Variants in WDR48 observed in about 807,000 individuals in gnomAD.
WDR48 encodes the protein WD repeat-containing protein 48.
In WDR48, 22 loss-of-function variants were observed where a neutral mutation model predicts 94.0. The ratio of observed to expected loss-of-function variants is 0.23; its 90% confidence interval spans 0.17 to 0.33. The LOEUF is 0.33. Ranked by LOEUF, WDR48 falls within the 10% of genes least tolerant of loss-of-function variation. WDR48 has a pLI of 1.00. For missense variants in WDR48, 541 were observed against 813.8 expected, an observed-to-expected ratio of 0.66 and a Z score of 4.08; for synonymous variants, 278 against 280.5, an observed-to-expected ratio of 0.99 and a Z score of 0.09.
intron 16 of WDR48, chr3:39,089,700 T>C: frequency 6.4e-6 from 1 of 155,188 alleles, no homozygotes; most frequent in Non-Finnish European, 1.4e-5. Flanking sequence ...TTTGTGTACA[T>C]AGATGTGTCT....
At chr3:39,056,757 T>C (rs77102640) in intron 1 of WDR48, among the ~76,000 whole-genome samples, 4,387 of 152,288 alleles carry the variant, frequency 0.029, 212 homozygotes, top group African/African-American at 0.1. Context: ...CCCATGTGCC[T>C]TTTCTTATAT....
chr3:39,052,523 A>T (rs2032512105), intron 1 of WDR48: 1 of 172,926 alleles, frequency 5.8e-6, no homozygotes, highest in Non-Finnish European at 1.2e-5. Context: ...GCGGAGCGCC[A>T]ACGGCCCTGC....
At chr3:39,073,643 G>A (rs1381480050) in intron 7 of WDR48, among the ~76,000 whole-genome samples, 1 of 152,084 alleles carries the variant, frequency 6.6e-6, no homozygotes, top group African/African-American at 2.4e-5. Flanking sequence ...GTGGATGCAG[G>A]GTGTCTAATT....
At chr3:39,056,090 C>A (rs920678886) in intron 1 of WDR48, among the ~76,000 whole-genome samples, 1 of 152,160 alleles carries the variant, frequency 6.6e-6, no homozygotes, top group African/African-American at 2.4e-5. Context: ...TTTAAGGTGA[C>A]ATGTCTTGAA....
chr3:39,082,504 T>A (rs2034591759), intron 11 of WDR48, among the ~76,000 whole-genome samples: 1 of 151,990 alleles, frequency 6.6e-6, no homozygotes. Context: ...ATGGTCTCGA[T>A]CTCCTGGCCT....
chr3:39,068,137 G>A (rs1329367494), intron 5 of WDR48, among the ~76,000 whole-genome samples: 1 of 152,134 alleles, frequency 6.6e-6, no homozygotes. Flanking sequence ...TGGCTAACCT[G>A]TATTGAGTAC....
At chr3:39,093,745 G>C in intron 17 of WDR48, 129 bp from the exon 18 acceptor site, 5 of 1,069,476 alleles carry the variant, frequency 4.7e-6, no homozygotes, top group Non-Finnish European at 6.3e-6. Flanking sequence ...AATGGATTAA[G>C]GTAATGACTA....
At chr3:39,058,904 G>C (rs2033077862) in intron 1 of WDR48, among the ~76,000 whole-genome samples, 1 of 151,986 alleles carries the variant, frequency 6.6e-6, no homozygotes, top group Non-Finnish European at 1.5e-5. Context: ...GCGAAACCCT[G>C]TCTCTACTAA....
At position 39,084,688 on chromosome 3, in the gene WDR48, G is replaced by C. The variant is rs1372395774; in HGVS notation, c.1325G>C (p.Trp442Ser). 3 of 1,613,774 alleles carry C rather than the reference G, an allele frequency of 1.9e-6. No homozygotes were observed. Among genetic ancestry groups the C allele is most frequent in the Non-Finnish European group, 2.5e-6 (3 of 1,179,926 alleles). ...GATGAAAGTGATTGTTTTGCTGCCT[G>C]GGTTTCTGCAAAAGATGCTGGTTTC... ...TLDESDCFAA[W>S]VSAKDAGFSS... Residue 442 changes from tryptophan (W) to serine (S), a missense_variant, in exon 13 of 19, where the codon TGG (tryptophan) becomes TCG (serine). Coordinates refer to ENST00000302313, the MANE Select transcript of WDR48 (RefSeq NM_020839.4).
Position 39,084,266 on chromosome 3 carries a change from A to T in WDR48, c.1281+4A>T. 1 of 1,578,120 alleles carries T rather than the reference A, an allele frequency of 6.3e-7. No individual in the cohort carries two copies. The highest frequency in any genetic ancestry group is 8.7e-7 in the Non-Finnish European group (1 of 1,150,136). Reference sequence around the variant, plus strand: ...CTCAGTAGACTTAAAAACAGGGGTAAGTTAGCAATTGATACTTGTATGATT... The same window carrying T: ...CTCAGTAGACTTAAAAACAGGGGTATGTTAGCAATTGATACTTGTATGATT... On this transcript the variant is annotated splice_donor_region_variant and intron_variant, in intron 12 of 18. Transcript: ENST00000302313.
intron 1 of WDR48, 60 bp downstream of exon 1, chr3:39,052,133 G>T: frequency 6.2e-7 from 1 of 1,601,304 alleles, no homozygotes; most frequent in Non-Finnish European, 8.5e-7. Flanking sequence ...GCCCACTCCA[G>T]CTAGAAGGTG....
chr3:39,058,900 C>T (rs2033076719), intron 1 of WDR48, among the ~76,000 whole-genome samples: 1 of 152,022 alleles, frequency 6.6e-6, no homozygotes, highest in African/African-American at 2.4e-5. Context: ...GATGGCGAAA[C>T]CCTGTCTCTA....
intron 1 of WDR48, among the ~76,000 whole-genome samples, chr3:39,058,123 G>T (rs868713565): frequency 2.0e-5 from 3 of 152,056 alleles, no homozygotes; most frequent in African/African-American, 7.2e-5. Context: ...TAGAAACAGG[G>T]CTCTCATGCT....
chr3:39,077,605 A>G, intron 9 of WDR48, among the ~76,000 whole-genome samples: 1 of 152,234 alleles, frequency 6.6e-6, no homozygotes, highest in Non-Finnish European at 1.5e-5. Context: ...AGAAAGCAGA[A>G]AATTGTGCTT....
chr3:39,079,834 T>A, intron 11 of WDR48, 26 bp downstream of exon 11: 1 of 1,392,408 alleles, frequency 7.2e-7, no homozygotes, highest in South Asian at 1.4e-5. Flanking sequence ...GGGCTAAATA[T>A]AGGTTGTTAG....
intron 11 of WDR48, among the ~76,000 whole-genome samples, chr3:39,082,441 C>T (rs2034587905): frequency 1.3e-5 from 2 of 152,022 alleles, no homozygotes; most frequent in South Asian, 2.1e-4. Context: ...ACCACCACAT[C>T]GGGCTAATTT....
chr3:39,079,573 G>T, intron 10 of WDR48, 138 bp from the exon 11 acceptor site: 1 of 529,826 alleles, frequency 1.9e-6, no homozygotes, highest in Non-Finnish European at 3.2e-6. Context: ...TAATTATATA[G>T]TCTTTAGGTT....
chr3:39,064,211 A>C (rs1372560737), intron 2 of WDR48, among the ~76,000 whole-genome samples: 1 of 151,964 alleles, frequency 6.6e-6, no homozygotes, highest in South Asian at 2.1e-4. Flanking sequence ...TTGCATTTTC[A>C]TATCCAATGT....
At chr3:39,092,660 G>C (rs2035141054) in intron 17 of WDR48, among the ~76,000 whole-genome samples, 1 of 152,176 alleles carries the variant, frequency 6.6e-6, no homozygotes, top group African/African-American at 2.4e-5. Context: ...AATTTTAGTA[G>C]TGTAGTAATG....
Sources: gnomAD v4.1 joint callset for allele counts (sites outside exome capture counted in the v4.1 genomes callset) on GRCh38, gnomAD v4.1.1 for gene constraint, MANE v1.5 for transcripts, NCBI Gene and HGNC (gene_info 2026-07-23, HGNC 2026-07-21) for gene names.